The following PDGFRB variants were observed in gnomAD, a reference collection of about 807,000 sequenced individuals.
The protein encoded by PDGFRB is platelet-derived growth factor receptor beta.
Under a neutral mutation model 120.2 loss-of-function variants are expected in PDGFRB, and 42 were observed. That is an observed-to-expected ratio of 0.35 (90% CI 0.27 to 0.45). The LOEUF is 0.45. Ranked by LOEUF, PDGFRB falls within the 20% of genes least tolerant of loss-of-function variation. The probability of loss-of-function intolerance (pLI) is 1.00; values close to 1 mark genes in which losing one functional copy is unlikely to be tolerated. For missense variants in PDGFRB, 1,149 were observed against 1,476.3 expected, an observed-to-expected ratio of 0.78 and a Z score of 3.63; for synonymous variants, 586 against 606.8, an observed-to-expected ratio of 0.97 and a Z score of 0.50.
At chr5:150,118,370 A>C (rs1760030902) in intron 21 of PDGFRB, among the ~76,000 whole-genome samples, 1 of 152,122 alleles carries the variant, frequency 6.6e-6, no homozygotes, top group Non-Finnish European at 1.5e-5. Flanking sequence ...GCCTTGGACA[A>C]TCCTGTGACA....
In PDGFRB at chr5:150,121,377, G is replaced by C. The variant is rs965144823; in HGVS notation, c.2345-55C>G. 2.3e-6 allele frequency: 2 copies of C among 858,548 alleles called. No individual in the cohort carries two copies. The highest frequency in any genetic ancestry group is 3.4e-5 in the Admixed American group (2 of 59,082). The allele number at this position is 858,548 out of a possible 1,614,324, so 53.2% of individuals were successfully genotyped here. A position where few individuals can be genotyped will look rare whatever the true frequency, so the allele number is the denominator to read the frequency against. ...TCTTATATCTCCTTCTGGCCCACAG[G>C]ACCCCTGCCCTTTGGCTCCTGGGAG... is the stretch of plus-strand genomic sequence containing the variant. On this transcript the variant is annotated intron_variant, in intron 16 of 22. Transcript: ENST00000261799. This position sits in a 1 kb window ranked among gnomAD's most constrained non-coding sequence, Gnocchi z 4.1.
Position 150,120,790 on chromosome 5 carries a change from G to T in PDGFRB, c.2586+98C>A. ...GGCAGGCCACAAGGAGCCCCACACAGATTTCCTATGAGCTGCAGCCACACT... is the reference window on the plus strand; with the variant it reads ...GGCAGGCCACAAGGAGCCCCACACATATTTCCTATGAGCTGCAGCCACACT... On this transcript the variant is annotated intron_variant, in intron 18 of 22. Transcript: ENST00000261799. The surrounding 1 kb of genome is among the most constrained non-coding windows in gnomAD (Gnocchi z 4.3). The T allele has an allele frequency of 8.6e-7, 1 of 1,166,194 alleles. No homozygotes were observed. The highest frequency in any genetic ancestry group is 1.2e-6 in the Non-Finnish European group (1 of 802,500). The allele number at this position is 1,166,194 out of a possible 1,614,324, so 72.2% of individuals were successfully genotyped here. A position where few individuals can be genotyped will look rare whatever the true frequency, so the allele number is the denominator to read the frequency against.
chr5:150,123,279 C>T, intron 14 of PDGFRB, 78 bp from the exon 15 acceptor site: 2 of 1,149,862 alleles, frequency 1.7e-6, no homozygotes, highest in Non-Finnish European at 2.6e-6. Context: ...TAATCAGGGG[C>T]TGGATGTGGG....
intron 2 of PDGFRB, among the ~76,000 whole-genome samples, chr5:150,136,610 A>T (rs1760639929): frequency 6.6e-6 from 1 of 151,996 alleles, no homozygotes; most frequent in Non-Finnish European, 1.5e-5. Flanking sequence ...AGACATGTTA[A>T]CGGGCAGGAG....
rs2113897079 is a variant in PDGFRB, at chr5:150,125,525, C to G, written c.1727G>C (p.Gly576Ala). The G allele has an allele frequency of 6.2e-7, 1 of 1,613,806 alleles. No homozygotes were observed. The highest frequency in any genetic ancestry group is 2.2e-5 in the East Asian group (1 of 44,878). Residue 576 changes from glycine (G) to alanine (A), a missense_variant, in exon 12 of 23, where the codon GGC becomes GCC. This residue lies in a region of PDGFRB where 879 missense variants were observed against 1,108.6 expected (regional missense o/e 0.79). Coordinates refer to ENST00000261799, the MANE Select transcript of PDGFRB (RefSeq NM_002609.4). ...GGGGTCCACGTAGATGTACTCATGG[C>G]CGTCAGAGCTCACAGACTCAATCAC... ...WKVIESVSSDGHEYIYVDPMQ... is the reference protein window; with the variant it reads ...WKVIESVSSDAHEYIYVDPMQ...
chr5:150,122,610 T>C (rs1054488134), intron 15 of PDGFRB, among the ~76,000 whole-genome samples: 1 of 152,258 alleles, frequency 6.6e-6, no homozygotes, highest in Admixed American at 6.5e-5. Flanking sequence ...GCAACAGAAC[T>C]AAGAAGTGTT....
rs1446312142 is a variant in PDGFRB at position 150,121,137 on chromosome 5, G to T, written c.2463+67C>A. 5 of 1,349,008 alleles carry T rather than the reference G, an allele frequency of 3.7e-6. No individual in the cohort carries two copies. In the Admixed American group the frequency reaches 5.0e-5, roughly 14 times the overall value. 83.6% of individuals were successfully genotyped at this position (1,349,008 alleles called of 1,614,324 possible). On this transcript the variant is annotated intron_variant, in intron 17 of 22. Transcript: ENST00000261799. The surrounding 1 kb of genome is among the most constrained non-coding windows in gnomAD (Gnocchi z 4.1). ...AGGCCACCCTGGTGTGCTCTTGGAGGATGCTGGCTGGCTGGGTGACCCACC... is the reference window on the plus strand; with the variant it reads ...AGGCCACCCTGGTGTGCTCTTGGAGTATGCTGGCTGGCTGGGTGACCCACC...
At chr5:150,139,432 T>C (rs1440261143) in intron 1 of PDGFRB, among the ~76,000 whole-genome samples, 1 of 151,998 alleles carries the variant, frequency 6.6e-6, no homozygotes, top group African/African-American at 2.4e-5. Context: ...GAGCTGTCCC[T>C]ATGGTGAAGC....
At position 150,138,943 on chromosome 5, in the gene PDGFRB, G is replaced by A. The variant is rs182427777; in HGVS notation, c.-6-1890C>T. Among the ~76,000 whole-genome samples the A allele has an allele frequency of 2.4e-4, 37 of 152,372 alleles. No homozygotes were observed. In the East Asian group the frequency reaches 6.7e-3, roughly 28 times the overall value. ...ATTATTCTAAAGGAGGAATTTGGCC[G>A]GCTGGCCAGGAGAAGGGAGGTCACT... On this transcript the variant is annotated intron_variant, in intron 1 of 22. Coordinates refer to ENST00000261799, the MANE Select transcript of PDGFRB (RefSeq NM_002609.4).
intron 1 of PDGFRB, among the ~76,000 whole-genome samples, chr5:150,152,988 G>T (rs1355207286): frequency 6.6e-6 from 1 of 152,198 alleles, no homozygotes; most frequent in Non-Finnish European, 1.5e-5. Flanking sequence ...AAACTGACTC[G>T]GGGTCAATGC....
intron 1 of PDGFRB, among the ~76,000 whole-genome samples, chr5:150,142,906 G>A (rs576773882): frequency 4.3e-4 from 66 of 152,082 alleles, no homozygotes; most frequent in Non-Finnish European, 4.3e-4. Context: ...GGAATGACAC[G>A]GTGCCTACGT....
intron 13 of PDGFRB, 48 bp from the exon 14 acceptor site, chr5:150,124,408 T>TGACTG: frequency 7.4e-7 from 1 of 1,342,984 alleles, no homozygotes; most frequent in Non-Finnish European, 1.1e-6. Flanking sequence ...GGAGGCTCCA[T>TGACTG]GGAGGCCCCA....
rs1350521937 is a variant in PDGFRB at position 150,115,687 on chromosome 5, C to G, written c.*76G>C. 24 of 1,387,442 alleles carry G rather than the reference C, an allele frequency of 1.7e-5. No individual in the cohort carries two copies. The Middle Eastern group carries it at 1.1e-3, about 61-fold the overall frequency. The allele number at this position is 1,387,442 out of a possible 1,614,324, so 85.9% of individuals were successfully genotyped here. ...AGGGCAGCCTGGCTGACAGGAAGCCCGGTCAGGCCAGGCCAGGAGATGCTG... is the reference window on the plus strand; with the variant it reads ...AGGGCAGCCTGGCTGACAGGAAGCCGGGTCAGGCCAGGCCAGGAGATGCTG... On this transcript the variant is annotated 3_prime_UTR_variant, in exon 23 of 23. Coordinates refer to ENST00000261799, the MANE Select transcript of PDGFRB (RefSeq NM_002609.4).
Position 150,130,534 on chromosome 5 carries a change from C to G in PDGFRB, c.1367+5G>C. 6.2e-7 allele frequency: 1 copy of G among 1,612,458 alleles called. No individual in the cohort carries two copies. Among genetic ancestry groups the G allele is most frequent in the Non-Finnish European group, 8.5e-7 (1 of 1,179,556 alleles). ...ACTGGGAGACTGAGGCCCAGGTCTG[C>G]TCACCTTTTGAGGTCTCTGCAGGCA... On this transcript the variant is annotated splice_donor_5th_base_variant and intron_variant, in intron 9 of 22. Coordinates refer to ENST00000261799, the MANE Select transcript of PDGFRB (RefSeq NM_002609.4).
At chr5:150,118,884 G>A in intron 20 of PDGFRB, 32 bp from the exon 21 acceptor site, 1 of 1,388,526 alleles carries the variant, frequency 7.2e-7, no homozygotes, top group Non-Finnish European at 1.0e-6. Flanking sequence ...AGGGCCTCTG[G>A]CCCAGGGTTC....
Position 150,125,470 on chromosome 5 carries a change from C to A in PDGFRB, c.1782G>T (p.Glu594Asp). The change falls in exon 12 of 23, where the codon GAG becomes GAT. Residue 594 changes from glutamate to aspartate, a missense_variant. This residue lies in a region of PDGFRB where 879 missense variants were observed against 1,108.6 expected (regional missense o/e 0.79). Transcript: ENST00000261799. ...PMQLPYDSTW[E>D]LPRDQLVLGR... ...CCAGCACAAGCTGGTCCCGCGGCAG[C>A]TCCCACGTGGAGTCATAGGGCAGCT... is the stretch of plus-strand genomic sequence containing the variant. 6.2e-7 allele frequency: 1 copy of A among 1,612,642 alleles called. No homozygotes were observed. The highest frequency in any genetic ancestry group is 8.5e-7 in the Non-Finnish European group (1 of 1,178,928).
At chr5:150,136,907 TG>T in intron 2 of PDGFRB, 100 bp downstream of exon 2, 1 of 876,798 alleles carries the variant, frequency 1.1e-6, no homozygotes, top group Non-Finnish European at 1.9e-6. Flanking sequence ...GCAGTGTGCC[TG>T]GTGCTTCACG....
intron 21 of PDGFRB, 36 bp downstream of exon 21, chr5:150,118,711 C>T: frequency 7.9e-7 from 1 of 1,264,436 alleles, no homozygotes; most frequent in Non-Finnish European, 1.2e-6. Flanking sequence ...TGCACCAGAG[C>T]TCTCCGTGCT....
chr5:150,122,687 G>A (rs959851597), intron 15 of PDGFRB, among the ~76,000 whole-genome samples: 4 of 152,210 alleles, frequency 2.6e-5, no homozygotes, highest in Admixed American at 1.3e-4. Flanking sequence ...GATGTGTAGA[G>A]GCTGCAGAGA....
Sources: gnomAD v4.1 joint callset for allele counts (sites outside exome capture counted in the v4.1 genomes callset) on GRCh38, gnomAD v4.1.1 for gene constraint, gnomAD v4.1.1 regional missense constraint, Gnocchi (gnomAD v3.1) non-coding constraint, MANE v1.5 for transcripts, NCBI Gene and HGNC (gene_info 2026-07-23, HGNC 2026-07-21) for gene names.